The following ATXN7L1 variants were observed in gnomAD, a reference collection of about 807,000 sequenced individuals.
The protein encoded by ATXN7L1 is ataxin-7-like protein 1.
Under a neutral mutation model 70.8 loss-of-function variants are expected in ATXN7L1, and 15 were observed. The ratio of observed to expected loss-of-function variants is 0.21; its 90% CI spans 0.14 to 0.33. ATXN7L1 has a LOEUF of 0.33. Among genes scored for constraint, ATXN7L1 ranks in the 10% least tolerant of loss-of-function variants. The pLI is 1.00. For synonymous variants in ATXN7L1, 440 were observed against 445.1 expected, an observed-to-expected ratio of 0.99 and a Z score of 0.14; for missense variants, 975 against 1,097.1, an observed-to-expected ratio of 0.89 and a Z score of 1.57.
rs577325261 is a variant in ATXN7L1 at position 105,609,919 on chromosome 7, G to A, written c.2547+610C>T. Among the ~76,000 whole-genome samples the A allele has an allele frequency of 1.2e-4, 18 of 152,186 alleles. No individual in the cohort carries two copies. In the South Asian group the frequency reaches 1.9e-3, roughly 16 times the overall value. ...CCCGAGTAGCTGGGACTACAGGAACGCACCACCACGCCCGGTTACTTTTTG... is the reference window on the plus strand; with the variant it reads ...CCCGAGTAGCTGGGACTACAGGAACACACCACCACGCCCGGTTACTTTTTG... On this transcript the variant is annotated intron_variant, in intron 11 of 11. Transcript: ENST00000419735.
At chr7:105,876,274 CG>C in intron 1 of ATXN7L1, 103 bp downstream of exon 1, 2 of 1,363,318 alleles carry the variant, frequency 1.5e-6, no homozygotes, top group Non-Finnish European at 2.0e-6. Context: ...TGGAGGACAC[CG>C]GGGGCCACTC....
chr7:105,693,569 ATCCATCCATCCATCT>A (rs1224923426), intron 3 of ATXN7L1, among the ~76,000 whole-genome samples: 160 of 106,022 alleles, frequency 1.5e-3, no homozygotes, highest in African/African-American at 5.3e-3. Context: ...CCATCCATCC[ATCCATCCATCCATCT>A]AATTTGAAGA....
intron 4 of ATXN7L1, among the ~76,000 whole-genome samples, chr7:105,664,567 A>ATG (rs199654975): frequency 2.5e-5 from 3 of 119,202 alleles, no homozygotes; most frequent in Admixed American, 8.0e-5. Flanking sequence ...TATATTATGT[A>ATG]TGTGTGTGTA....
chr7:105,650,934 T>C (rs761115128), intron 4 of ATXN7L1, among the ~76,000 whole-genome samples: 2 of 152,194 alleles, frequency 1.3e-5, no homozygotes, highest in Non-Finnish European at 1.5e-5. Context: ...ATGTGGAGTG[T>C]TGGAAGATAG....
At chr7:105,707,196 G>C (rs1334124253) in intron 3 of ATXN7L1, among the ~76,000 whole-genome samples, 2 of 152,174 alleles carry the variant, frequency 1.3e-5, no homozygotes, top group Admixed American at 6.6e-5. Context: ...AGAAGAAATG[G>C]AAGAGGCCAC....
Position 105,607,529 on chromosome 7 carries a change from A to G in ATXN7L1, c.*323T>C, listed in dbSNP as rs1189580223. On this transcript the variant is annotated 3_prime_UTR_variant, in exon 12 of 12. Coordinates refer to ENST00000419735, the MANE Select transcript of ATXN7L1 (RefSeq NM_020725.2). ...CTGCAATGTCTGCTCTCATGGCTGGAGCAAAAGGATGGTACAGTAGCAGCA... is the reference window on the plus strand; with the variant it reads ...CTGCAATGTCTGCTCTCATGGCTGGGGCAAAAGGATGGTACAGTAGCAGCA... 8.5e-6 allele frequency: 3 copies of G among 352,786 alleles called. No individual in the cohort carries two copies. Among genetic ancestry groups the G allele is most frequent in the Non-Finnish European group, 1.6e-5 (3 of 192,186 alleles). 21.9% of individuals were successfully genotyped at this position (352,786 alleles called of 1,614,324 possible). A position where few individuals can be genotyped will look rare whatever the true frequency, so the allele number is the denominator to read the frequency against.
At chr7:105,681,746 T>A (rs1805584586) in intron 3 of ATXN7L1, among the ~76,000 whole-genome samples, 1 of 152,188 alleles carries the variant, frequency 6.6e-6, no homozygotes, top group African/African-American at 2.4e-5. Context: ...GGACAAACTT[T>A]GGGGACACTA....
At chr7:105,875,546 C>T (rs1279561865) in intron 2 of ATXN7L1, among the ~76,000 whole-genome samples, 1 of 151,212 alleles carries the variant, frequency 6.6e-6, no homozygotes, top group African/African-American at 2.4e-5. Context: ...AGGAGAATGG[C>T]AGATATGCAT....
chr7:105,858,302 A>G (rs374652738), intron 2 of ATXN7L1, among the ~76,000 whole-genome samples: 2 of 152,228 alleles, frequency 1.3e-5, no homozygotes, highest in East Asian at 3.9e-4. Context: ...ACTGATAATT[A>G]AAGAGAAAAA....
intron 2 of ATXN7L1, among the ~76,000 whole-genome samples, chr7:105,791,442 C>T (rs950346271): frequency 6.6e-5 from 10 of 152,174 alleles, no homozygotes. Flanking sequence ...CTGGGCCCAG[C>T]CAACACCCTG....
At chr7:105,613,666 A>G (rs1026844183) in intron 10 of ATXN7L1, 196 bp downstream of exon 10, 2 of 1,448,022 alleles carry the variant, frequency 1.4e-6, no homozygotes, top group Non-Finnish European at 1.8e-6. Flanking sequence ...AACAGTGTCT[A>G]GCACATAGTG....
At chr7:105,738,996 C>T (rs548678) in intron 3 of ATXN7L1, among the ~76,000 whole-genome samples, 94,324 of 152,060 alleles carry the variant, frequency 0.62, 32,098 homozygotes, top group East Asian at 0.92. Flanking sequence ...TCCCTTCTGA[C>T]AAGATACTTA....
intron 3 of ATXN7L1, among the ~76,000 whole-genome samples, chr7:105,737,119 G>A (rs192720953): frequency 2.6e-5 from 4 of 152,278 alleles, no homozygotes; most frequent in African/African-American, 7.2e-5. Context: ...ATGATTATTG[G>A]TCTATTCAGG....
chr7:105,860,222 C>T (rs543263638), intron 2 of ATXN7L1, among the ~76,000 whole-genome samples: 38 of 142,444 alleles, frequency 2.7e-4, no homozygotes, highest in African/African-American at 7.9e-4. Context: ...ATCATGGTAC[C>T]GTTATTTCAA....
At chr7:105,764,285 C>T (rs1800947389) in intron 3 of ATXN7L1, among the ~76,000 whole-genome samples, 1 of 150,206 alleles carries the variant, frequency 6.7e-6, no homozygotes, top group Admixed American at 6.6e-5. Context: ...TTCTAGAAGG[C>T]TTGGCAAAGC....
At chr7:105,872,774 A>G (rs1818454721) in intron 2 of ATXN7L1, among the ~76,000 whole-genome samples, 1 of 152,060 alleles carries the variant, frequency 6.6e-6, no homozygotes, top group Admixed American at 6.6e-5. Context: ...GAAAGTACTT[A>G]GTGCCACTGA....
At chr7:105,788,047 A>G (rs1486961784) in intron 3 of ATXN7L1, 1 of 153,494 alleles carries the variant, frequency 6.5e-6, no homozygotes, top group Non-Finnish European at 1.5e-5. Context: ...TATTACATCA[A>G]GGATGTTTAG....
rs941846082 is a variant in ATXN7L1 at position 105,605,395 on chromosome 7, C to G, written c.*2457G>C. ...CAAGGAAGAATACTGTGGGCTTTCC[C>G]TTTTTGCCCAGTTTTCCAGAAATAT... On this transcript the variant is annotated 3_prime_UTR_variant, in exon 12 of 12. Coordinates refer to ENST00000419735, the MANE Select transcript of ATXN7L1 (RefSeq NM_020725.2). 6.8e-6 allele frequency: 1 copy of G among 146,264 alleles called. No homozygotes were observed. Among genetic ancestry groups the G allele is most frequent in the Non-Finnish European group, 1.5e-5 (1 of 67,506 alleles). 9.1% of individuals were successfully genotyped at this position (146,264 alleles called of 1,614,324 possible).
chr7:105,829,959 TG>T (rs1811373982), intron 2 of ATXN7L1, among the ~76,000 whole-genome samples: 1 of 152,208 alleles, frequency 6.6e-6, no homozygotes, highest in Non-Finnish European at 1.5e-5. Flanking sequence ...GCTTACCCTT[TG>T]GGGGCAAGCC....
Sources: allele counts gnomAD v4.1 joint callset (sites outside exome capture counted in the v4.1 genomes callset), GRCh38; gene constraint gnomAD v4.1.1; transcripts MANE v1.5; gene names NCBI Gene and HGNC (gene_info 2026-07-23, HGNC 2026-07-21).